The following TBL1X variants were observed in gnomAD, a reference collection of about 807,000 sequenced individuals.
The protein encoded by TBL1X is F-box-like/WD repeat-containing protein TBL1X.
Under a neutral mutation model 50.7 loss-of-function variants are expected in TBL1X, and 10 were observed. That is an observed-to-expected ratio of 0.20 (90% confidence interval 0.12 to 0.33). The LOEUF (loss-of-function observed/expected upper bound fraction) is 0.33. Ranked by LOEUF, TBL1X falls within the 10% of genes least tolerant of loss-of-function variation. The pLI is 1.00. For missense variants in TBL1X, 340 were observed against 504.4 expected, an observed-to-expected ratio of 0.67 and a Z score of 3.12; for synonymous variants, 190 against 214.7, an observed-to-expected ratio of 0.88 and a Z score of 1.01.
Position 9,532,985 on chromosome X carries a change from G to A in TBL1X, c.-131+31136G>A, listed in dbSNP as rs768173686. On this transcript the variant is annotated intron_variant, in intron 2 of 17. Transcript: ENST00000645353. Reference sequence around the variant, plus strand: ...GTTCCTGCTTGCCAGGGCTGGGGACGGGCAGTGTGGGGTGACTGCTAGCCA... The same window carrying A: ...GTTCCTGCTTGCCAGGGCTGGGGACAGGCAGTGTGGGGTGACTGCTAGCCA... 1.4e-4 allele frequency among the ~76,000 whole-genome samples: 16 copies of A among 111,321 alleles called. No homozygotes were observed. In the East Asian group the frequency reaches 1.7e-3, roughly 12 times the overall value.
Position 9,688,898 on chromosome X carries a change from C to T in TBL1X, c.616+623C>T, listed in dbSNP as rs183188328. Among the ~76,000 whole-genome samples, 804 of 113,578 alleles carry T rather than the reference C, an allele frequency of 7.1e-3. 6 individuals are homozygous for T. The highest frequency in any genetic ancestry group is 0.023 in the African/African-American group (734 of 31,402). ...CCGTGCATGGCGCACCGTGTGCGCG[C>T]ATGCACTTGCATGCACAGGTATGCA... On this transcript the variant is annotated intron_variant, in intron 7 of 17. Coordinates refer to ENST00000645353, the MANE Select transcript of TBL1X (RefSeq NM_005647.4).
chrX:9,602,638 T>A (rs2082562738), intron 2 of TBL1X, among the ~76,000 whole-genome samples: 1 of 112,125 alleles, frequency 8.9e-6, no homozygotes, highest in South Asian at 3.7e-4. Flanking sequence ...TGCAGTTGTT[T>A]AATTAGGTAA....
intron 1 of TBL1X, among the ~76,000 whole-genome samples, chrX:9,493,796 A>G (rs1480381679): frequency 3.6e-5 from 4 of 111,191 alleles, no homozygotes; most frequent in Non-Finnish European, 7.5e-5. Flanking sequence ...AAAAAAAACC[A>G]AAAAACAACC....
chrX:9,557,027 CA>C (rs1428099370), intron 2 of TBL1X, among the ~76,000 whole-genome samples: 7 of 111,786 alleles, frequency 6.3e-5, no homozygotes, highest in South Asian at 3.7e-4. Context: ...AACTGATTAG[CA>C]GCCTGAATTC....
At chrX:9,492,562 C>T (rs1360794466) in intron 1 of TBL1X, among the ~76,000 whole-genome samples, 1 of 111,514 alleles carries the variant, frequency 9.0e-6, no homozygotes, top group South Asian at 3.8e-4. Flanking sequence ...GAGCCAGCCT[C>T]TTTAAAGTCA....
At position 9,688,240 on chromosome X, in the gene TBL1X, C is replaced by T. The variant is rs747922217; in HGVS notation, c.581C>T (p.Thr194Met). 85 of 1,197,925 alleles carry T rather than the reference C, an allele frequency of 7.1e-5. No individual in the cohort carries two copies. The highest frequency in any genetic ancestry group is 9.0e-5 in the Non-Finnish European group (80 of 888,125). Reference sequence around the variant, plus strand: ...AATCCATCGAAGAACAGAGAGGCCACGGTGAATGGGGAAGAGAACAGAGCA... The same window carrying T: ...AATCCATCGAAGAACAGAGAGGCCATGGTGAATGGGGAAGAGAACAGAGCA... The part of the protein sequence containing the change: ...HQNPSKNREA[T>M]VNGEENRAHS... Residue 194 changes from threonine to methionine, a missense_variant, in exon 7 of 18, where the codon ACG (threonine) becomes ATG (methionine). By Grantham distance (81) the Thr-to-Met change is moderately conservative. Transcript: ENST00000645353.
At chrX:9,472,456 T>A (rs1219054173) in intron 1 of TBL1X, among the ~76,000 whole-genome samples, 5 of 99,716 alleles carry the variant, frequency 5.0e-5, no homozygotes, top group Non-Finnish European at 6.1e-5. Context: ...TTTTTTTTTT[T>A]AATTTTCAAT....
At chrX:9,580,595 A>G (rs1417461422) in intron 2 of TBL1X, among the ~76,000 whole-genome samples, 1 of 111,219 alleles carries the variant, frequency 9.0e-6, no homozygotes, top group East Asian at 2.8e-4. Context: ...GAGCCCCAAG[A>G]TTTATTTTCC....
intron 1 of TBL1X, among the ~76,000 whole-genome samples, chrX:9,472,923 A>C: frequency 9.3e-6 from 1 of 107,011 alleles, no homozygotes; most frequent in Admixed American, 9.9e-5. Context: ...AAAAAAAAAA[A>C]CAATAATTTT....
chrX:9,653,719 G>C (rs1283296774), intron 4 of TBL1X, 30 bp downstream of exon 4: 1 of 1,135,754 alleles, frequency 8.8e-7, no homozygotes, highest in Non-Finnish European at 1.2e-6. Context: ...GGCCAGGACC[G>C]TGTGGTCACT....
intron 1 of TBL1X, among the ~76,000 whole-genome samples, chrX:9,497,827 CTTTT>C (rs2081980086): frequency 1.4e-5 from 1 of 73,535 alleles, no homozygotes; most frequent in Admixed American, 2.1e-4. Context: ...TCGTTTCTTT[CTTTT>C]TTCTTTTCTT....
At position 9,692,193 on chromosome X, in the gene TBL1X, G is replaced by A; in HGVS notation, c.830G>A (p.Cys277Tyr). The change falls in exon 9 of 18, where the codon TGT becomes TAT. Residue 277 changes from cysteine to tyrosine, a missense_variant. By Grantham distance (194) the Cys-to-Tyr change is radical. Around this residue, in one of 6 missense-constraint regions of TBL1X, gnomAD observed 170 missense variants for 272.6 expected, o/e 0.62. Coordinates refer to ENST00000645353, the MANE Select transcript of TBL1X (RefSeq NM_005647.4). The part of the protein sequence containing the change: ...GGSTQLVLRH[C>Y]IREGGHDVPS... ...TCCACCCAGCTCGTGTTGAGGCACT[G>A]TATACGAGAGGGGGGCCATGACGTC... The A allele has an allele frequency of 8.3e-7, 1 of 1,205,274 alleles. No homozygotes were observed. Among genetic ancestry groups the A allele is most frequent in the East Asian group, 3.0e-5 (1 of 33,728 alleles).
intron 8 of TBL1X, 126 bp from the exon 9 acceptor site, chrX:9,691,987 T>C (rs1196348282): frequency 4.7e-6 from 5 of 1,073,597 alleles, no homozygotes; most frequent in Non-Finnish European, 6.3e-6. Context: ...GAAACAGGGA[T>C]CCAGAGGGAT....
intron 2 of TBL1X, among the ~76,000 whole-genome samples, chrX:9,596,318 A>C (rs1256586213): frequency 1.8e-5 from 2 of 112,345 alleles, no homozygotes; most frequent in Non-Finnish European, 3.8e-5. Context: ...ATTGTTACAT[A>C]GGCCAGCCTT....
intron 5 of TBL1X, among the ~76,000 whole-genome samples, chrX:9,672,076 GTTGT>G (rs2082963472): frequency 8.9e-6 from 1 of 112,577 alleles, no homozygotes; most frequent in Non-Finnish European, 1.9e-5. Context: ...ATAAATTACA[GTTGT>G]TTAAGTATAC....
chrX:9,706,010 A>G (rs1303665700), intron 13 of TBL1X, among the ~76,000 whole-genome samples: 1 of 110,952 alleles, frequency 9.0e-6, no homozygotes, highest in Non-Finnish European at 1.9e-5. Flanking sequence ...AGCAGGGGCA[A>G]GAGGTGGGAG....
chrX:9,631,048 GGTTT>G lies in TBL1X; in HGVS notation c.-130-9221_-130-9218del, dbSNP rs1265184994. On this transcript the variant is annotated intron_variant, in intron 2 of 17. Coordinates refer to ENST00000645353, the MANE Select transcript of TBL1X (RefSeq NM_005647.4). ...CGATATACATGTATTCAAAGTAGTA[GGTTT>G]GTTATAGACAGCATAGAGAAGACTC... Among the ~76,000 whole-genome samples the G allele has an allele frequency of 3.0e-4, 33 of 111,344 alleles. 1 individual carries two copies. The highest frequency in any genetic ancestry group is 2.9e-3 in the Admixed American group (30 of 10,443).
intron 5 of TBL1X, among the ~76,000 whole-genome samples, chrX:9,663,055 T>C (rs1013447136): frequency 9.0e-6 from 1 of 111,529 alleles, no homozygotes; most frequent in Non-Finnish European, 1.9e-5. Context: ...AGGTGAGAAG[T>C]TCCATGTGTA....
Position 9,539,567 on chromosome X carries a change from C to T in TBL1X, c.-131+37718C>T, listed in dbSNP as rs779525322. 7.2e-5 allele frequency among the ~76,000 whole-genome samples: 8 copies of T among 111,554 alleles called. No homozygotes were observed. The South Asian group carries it at 1.1e-3, about 16-fold the overall frequency. ...CCGATATCACTTTCCTCAGGAAGCC[C>T]GGTTTCCCACCCAGATGGCTTTGGG... On this transcript the variant is annotated intron_variant, in intron 2 of 17. Transcript: ENST00000645353.
Sources: gnomAD v4.1 joint callset for allele counts (sites outside exome capture counted in the v4.1 genomes callset) on GRCh38, gnomAD v4.1.1 for gene constraint, gnomAD v4.1.1 regional missense constraint, MANE v1.5 for transcripts, NCBI Gene and HGNC (gene_info 2026-07-23, HGNC 2026-07-21) for gene names.